The following DMD variants were observed in gnomAD, a reference collection of about 807,000 sequenced individuals.
DMD encodes the protein mutant dystrophin.
DMD carries 63 observed loss-of-function variants against 330.1 expected under a neutral mutation model. The observed-to-expected ratio is 0.19, with a 90% CI of 0.16 to 0.24. The LOEUF (loss-of-function observed/expected upper bound fraction) is 0.24. DMD is among the 10% of genes least tolerant of loss of function. The probability of loss-of-function intolerance (pLI) is 1.00; values close to 1 mark genes in which losing one functional copy is unlikely to be tolerated. For missense variants in DMD, 3,344 were observed against 2,684.1 expected, an observed-to-expected ratio of 1.25 and a Z score of -5.43; for synonymous variants, 1,223 against 959.8, an observed-to-expected ratio of 1.27 and a Z score of -5.07.
intron 4 of DMD, among the ~76,000 whole-genome samples, chrX:32,831,197 C>A (rs774889183): frequency 2.7e-5 from 3 of 110,885 alleles, no homozygotes; most frequent in Admixed American, 9.7e-5. Context: ...AGGCAAAAAA[C>A]CTCGCTGTTT....
intron 4 of DMD, among the ~76,000 whole-genome samples, chrX:32,839,039 A>G (rs936304670): frequency 9.8e-5 from 11 of 112,056 alleles, no homozygotes; most frequent in African/African-American, 3.6e-4. Flanking sequence ...TTTTTAAAAT[A>G]ACCTGACTTA....
chrX:32,511,955 G>C (rs1208647487), intron 18 of DMD, among the ~76,000 whole-genome samples: 1 of 111,612 alleles, frequency 9.0e-6, no homozygotes, highest in African/African-American at 3.3e-5. Flanking sequence ...GTATACAGAA[G>C]CTAAAAAAGG....
At chrX:32,444,051 G>A (rs926980793) in intron 27 of DMD, among the ~76,000 whole-genome samples, 3 of 110,644 alleles carry the variant, frequency 2.7e-5, no homozygotes, top group Non-Finnish European at 5.7e-5. Flanking sequence ...TAAAAATACT[G>A]GCGTATCAGA....
intron 49 of DMD, among the ~76,000 whole-genome samples, chrX:31,829,519 T>C (rs2092972525): frequency 1.8e-5 from 2 of 111,579 alleles, no homozygotes; most frequent in Non-Finnish European, 3.8e-5. Flanking sequence ...TTGCCTCATA[T>C]TTTTTGGATA....
intron 62 of DMD, among the ~76,000 whole-genome samples, chrX:31,263,376 G>T (rs1186222964): frequency 8.9e-6 from 1 of 112,468 alleles, no homozygotes; most frequent in Non-Finnish European, 1.9e-5. Context: ...ATCTTCTAAA[G>T]AAATTTCATG....
chrX:33,132,574 G>A (rs1223356460), intron 1 of DMD, among the ~76,000 whole-genome samples: 1 of 112,593 alleles, frequency 8.9e-6, no homozygotes, highest in Non-Finnish European at 1.9e-5. Flanking sequence ...GGACAACAAA[G>A]TGTAATAAAA....
At chrX:32,260,845 C>T (rs1427351319) in intron 43 of DMD, among the ~76,000 whole-genome samples, 1 of 111,864 alleles carries the variant, frequency 8.9e-6, no homozygotes, top group Admixed American at 9.5e-5. Context: ...TATAAAATTA[C>T]ACTCCAAAGA....
At chrX:32,969,073 C>CT (rs2092290586) in intron 2 of DMD, among the ~76,000 whole-genome samples, 1 of 100,143 alleles carries the variant, frequency 1.0e-5, no homozygotes, top group Non-Finnish European at 2.0e-5. Context: ...AGAACGCTCC[C>CT]TTTCCCCTCC....
intron 44 of DMD, among the ~76,000 whole-genome samples, chrX:32,205,487 C>T (rs1040985974): frequency 9.1e-6 from 1 of 110,306 alleles, no homozygotes; most frequent in Non-Finnish European, 1.9e-5. Context: ...TCTGACTCAT[C>T]AATGGTGTAC....
At chrX:32,654,914 A>G (rs1182514881) in intron 9 of DMD, among the ~76,000 whole-genome samples, 3 of 111,826 alleles carry the variant, frequency 2.7e-5, no homozygotes, top group African/African-American at 9.8e-5. Flanking sequence ...CATTCCTTCT[A>G]GATTTTCTAG....
At chrX:31,262,041 G>A (rs778345497) in intron 62 of DMD, among the ~76,000 whole-genome samples, 1 of 112,557 alleles carries the variant, frequency 8.9e-6, no homozygotes, top group South Asian at 3.7e-4. Flanking sequence ...CACACAGAAA[G>A]AGGAGTCTGG....
rs1288503016 is a variant in DMD at position 32,227,192 on chromosome X, A to G, written c.6291-10129T>C. Among the ~76,000 whole-genome samples, 5 of 95,706 alleles carry G rather than the reference A, an allele frequency of 5.2e-5. No individual in the cohort carries two copies. The Admixed American group carries it at 5.8e-4, about 11-fold the overall frequency. The allele number at this position is 95,706 out of a possible 115,157, so 83.1% of individuals were successfully genotyped here. A position where few individuals can be genotyped will look rare whatever the true frequency, so the allele number is the denominator to read the frequency against. Reference sequence around the variant, plus strand: ...TATATCTCCACATATTCTTTTATTTATATGTGTGTGAATGAATGTATTCCA... The same window carrying G: ...TATATCTCCACATATTCTTTTATTTGTATGTGTGTGAATGAATGTATTCCA... On this transcript the variant is annotated intron_variant, in intron 43 of 78. Coordinates refer to ENST00000357033, the MANE Select transcript of DMD (RefSeq NM_004006.3).
At chrX:33,204,387 G>T (rs1201941095) in intron 1 of DMD, among the ~76,000 whole-genome samples, 1 of 111,423 alleles carries the variant, frequency 9.0e-6, no homozygotes, top group Admixed American at 9.6e-5. Flanking sequence ...CAGAAACATT[G>T]CTCCCTCTGA....
At chrX:32,703,471 A>G (rs1048937664) in intron 7 of DMD, among the ~76,000 whole-genome samples, 3 of 112,106 alleles carry the variant, frequency 2.7e-5, no homozygotes, top group Admixed American at 9.5e-5. Context: ...ACTTAGAAGG[A>G]AAAAGCATTT....
intron 1 of DMD, among the ~76,000 whole-genome samples, chrX:33,168,101 G>A (rs2049149276): frequency 9.1e-6 from 1 of 109,710 alleles, no homozygotes; most frequent in African/African-American, 3.3e-5. Flanking sequence ...GAAGAGTAGC[G>A]TGTGTGCATG....
chrX:31,608,333 G>A (rs189047189), intron 55 of DMD, among the ~76,000 whole-genome samples: 1,925 of 111,111 alleles, frequency 0.017, 26 homozygotes, highest in Non-Finnish European at 0.029. Flanking sequence ...CAAGATTGGC[G>A]GTAACACATG....
chrX:32,375,814 C>T (rs2097900394), intron 34 of DMD, among the ~76,000 whole-genome samples: 2 of 111,582 alleles, frequency 1.8e-5, no homozygotes, highest in Admixed American at 1.9e-4. Context: ...TAAGGTGTTT[C>T]CAATTTTACT....
chrX:32,125,472 C>G (rs1432619980), intron 44 of DMD, among the ~76,000 whole-genome samples: 1 of 111,556 alleles, frequency 9.0e-6, no homozygotes, highest in Non-Finnish European at 1.9e-5. Flanking sequence ...CTTGTTGAGT[C>G]TGAGTTGCCT....
intron 54 of DMD, among the ~76,000 whole-genome samples, chrX:31,641,501 CA>C (rs1048854739): frequency 0.05 from 1,674 of 33,524 alleles, 21 homozygotes; most frequent in African/African-American, 0.13. Flanking sequence ...GACTCCGTCT[CA>C]AAAAAAAAAA....
Sources: gnomAD v4.1 joint callset for allele counts (sites outside exome capture counted in the v4.1 genomes callset) on GRCh38, gnomAD v4.1.1 for gene constraint, MANE v1.5 for transcripts, NCBI Gene and HGNC (gene_info 2026-07-23, HGNC 2026-07-21) for gene names.